TNKS: variants seen among roughly 807,000 people sequenced by gnomAD.
The protein encoded by TNKS is tankyrase.
In TNKS, 72 loss-of-function variants were observed where a neutral mutation model predicts 135.8. The observed-to-expected ratio is 0.53, with a 90% CI of 0.44 to 0.64. TNKS has a LOEUF of 0.64. TNKS is among the 30% of genes least tolerant of loss of function. The pLI, the probability that TNKS is intolerant of heterozygous loss-of-function variation, is 0.00. For synonymous variants in TNKS, 849 were observed against 649.3 expected (o/e 1.31, Z -4.68); for missense variants, 1,769 against 1,674.0 (o/e 1.06, Z -0.99).
intron 3 of TNKS, among the ~76,000 whole-genome samples, chr8:9,652,952 T>C (rs1801199212): frequency 1.3e-5 from 2 of 152,220 alleles, no homozygotes; most frequent in Admixed American, 1.3e-4. Context: ...ATTTAAAATG[T>C]CTAGCCCTAG....
chr8:9,582,305 A>T (rs1798196418), intron 2 of TNKS, among the ~76,000 whole-genome samples: 1 of 151,260 alleles, frequency 6.6e-6, no homozygotes, highest in Non-Finnish European at 1.5e-5. Context: ...AAAAAGTGGG[A>T]AGCCTTGTTT....
Position 9,779,325 on chromosome 8 carries a change from C to G in TNKS, c.*2589C>G, listed in dbSNP as rs1808367258. On this transcript the variant is annotated 3_prime_UTR_variant, in exon 27 of 27. Coordinates refer to ENST00000310430, the MANE Select transcript of TNKS (RefSeq NM_003747.3). ...GCATGGCATTAAATTAGGCTGAAGT[C>G]TTTTATTTTTTGTATATGTACTATA... is the stretch of plus-strand genomic sequence containing the variant. The G allele has an allele frequency of 2.6e-5, 4 of 152,528 alleles. No individual in the cohort carries two copies. The highest frequency in any genetic ancestry group is 2.4e-5 in the African/African-American group (1 of 41,422). The allele number at this position is 152,528 out of a possible 1,614,324, so 9.4% of individuals were successfully genotyped here.
rs1189125186 is a variant in TNKS at position 9,748,149 on chromosome 8, A to T, written c.2769A>T (p.Leu923=). 2.5e-6 allele frequency: 4 copies of T among 1,614,046 alleles called. No homozygotes were observed. In the Admixed American group the frequency reaches 6.7e-5, roughly 27 times the overall value. The stretch of plus-strand genomic sequence containing the variant: ...GGACGCAGCTGTGCGCCCTCCTCCT[A>T]GCGCATGGTGCAGACCCCACCATGA... The part of the protein sequence containing the change: ...KGRTQLCALL[L]AHGADPTMKN... Residue 923 remains leucine, a synonymous_variant, in exon 18 of 27, where the codon CTA becomes CTT. Coordinates refer to ENST00000310430, the MANE Select transcript of TNKS (RefSeq NM_003747.3).
chr8:9,656,294 G>A (rs1045174501), intron 3 of TNKS, among the ~76,000 whole-genome samples: 15 of 152,220 alleles, frequency 9.9e-5, no homozygotes, highest in Non-Finnish European at 2.1e-4. Context: ...AGGGAGAATG[G>A]AACCAAGTGG....
intron 11 of TNKS, among the ~76,000 whole-genome samples, chr8:9,712,191 G>C (rs1436631735): frequency 6.6e-6 from 1 of 152,260 alleles, no homozygotes; most frequent in African/African-American, 2.4e-5. Context: ...AATGAACTTA[G>C]AGCCACGTGT....
At chr8:9,610,215 A>G (rs921906671) in intron 2 of TNKS, among the ~76,000 whole-genome samples, 9 of 152,174 alleles carry the variant, frequency 5.9e-5, no homozygotes, top group African/African-American at 1.9e-4. Flanking sequence ...GAAAAATAAA[A>G]TACATTAGCT....
chr8:9,600,138 G>A (rs1798955865), intron 2 of TNKS, among the ~76,000 whole-genome samples: 2 of 152,146 alleles, frequency 1.3e-5, no homozygotes, highest in Admixed American at 6.5e-5. Flanking sequence ...GAGAGGTAAA[G>A]GAATTGCTAG....
At chr8:9,612,465 C>T (rs1378616566) in intron 2 of TNKS, among the ~76,000 whole-genome samples, 6 of 152,076 alleles carry the variant, frequency 3.9e-5, no homozygotes, top group Admixed American at 3.9e-4. Flanking sequence ...TGCCCAGGGT[C>T]AGGGGTCAGC....
intron 3 of TNKS, among the ~76,000 whole-genome samples, chr8:9,647,686 G>T (rs1203298403): frequency 6.6e-6 from 1 of 152,064 alleles, no homozygotes. Context: ...TGTGTGACTT[G>T]TGCCCCTTGA....
intron 3 of TNKS, among the ~76,000 whole-genome samples, chr8:9,624,170 A>G (rs1446490232): frequency 6.6e-6 from 1 of 152,218 alleles, no homozygotes; most frequent in Admixed American, 6.5e-5. Flanking sequence ...GTGAAGCATG[A>G]TAACTTGTTA....
intron 1 of TNKS, chr8:9,557,731 G>A (rs1401777453): frequency 1.3e-5 from 2 of 151,998 alleles, no homozygotes; most frequent in African/African-American, 2.4e-5. Flanking sequence ...CACTTCTTCA[G>A]TTTGTTCTGT....
intron 3 of TNKS, among the ~76,000 whole-genome samples, chr8:9,669,154 C>T (rs943662983): frequency 1.3e-5 from 2 of 151,196 alleles, no homozygotes; most frequent in African/African-American, 2.4e-5. Context: ...CGCGGTGGCT[C>T]ACGCCTGTAA....
chr8:9,635,988 G>A (rs182330262), intron 3 of TNKS, among the ~76,000 whole-genome samples: 3 of 152,308 alleles, frequency 2.0e-5, no homozygotes. Context: ...GAAAAGTATT[G>A]TACCAGTGTT....
intron 2 of TNKS, among the ~76,000 whole-genome samples, chr8:9,598,765 GTATATATATATATATATATATATATATA>G (rs71201956): frequency 0.01 from 512 of 49,626 alleles, 14 homozygotes; most frequent in Middle Eastern, 0.029. Context: ...ATGTGTGTGT[GTATATATATATATATATATATATATATA>G]TATATATATA....
At chr8:9,638,425 A>T (rs1800597616) in intron 3 of TNKS, among the ~76,000 whole-genome samples, 1 of 152,226 alleles carries the variant, frequency 6.6e-6, no homozygotes, top group African/African-American at 2.4e-5. Context: ...TGGAACTAAA[A>T]ATCTTCTGTT....
At chr8:9,661,351 A>C (rs1451639293) in intron 3 of TNKS, among the ~76,000 whole-genome samples, 4 of 152,228 alleles carry the variant, frequency 2.6e-5, no homozygotes, top group East Asian at 3.9e-4. Context: ...AGGCTACAGT[A>C]ACCAAAACAG....
intron 1 of TNKS, among the ~76,000 whole-genome samples, chr8:9,560,022 A>G (rs577714474): frequency 1.3e-5 from 2 of 152,264 alleles, no homozygotes; most frequent in South Asian, 4.1e-4. Flanking sequence ...ACTAGAATTT[A>G]TATGAGACTT....
intron 3 of TNKS, chr8:9,658,405 C>G (rs1801527289): frequency 3.1e-6 from 4 of 1,305,952 alleles, no homozygotes; most frequent in Non-Finnish European, 4.0e-6. Context: ...GCCCGCTGAA[C>G]TCCATCCTCC....
Position 9,761,574 on chromosome 8 carries a change from A to G in TNKS, c.3212A>G (p.Asn1071Ser), listed in dbSNP as rs745773852. The G allele has an allele frequency of 3.1e-6, 5 of 1,611,270 alleles. No homozygotes were observed. Among genetic ancestry groups the G allele is most frequent in the East Asian group, 2.2e-5 (1 of 44,860 alleles). ...GHEELKEIGINAYGHRHKLIK... is the reference protein window; with the variant it reads ...GHEELKEIGISAYGHRHKLIK... ...GAAGAGTTGAAAGAAATAGGCATCA[A>G]TGCATATGGGCACCGCCACAAATTA... The change falls in exon 21 of 27, where the codon AAT becomes AGT. Residue 1071 changes from asparagine to serine, a missense_variant. This residue lies in a region of TNKS where 722 missense variants were observed against 688.9 expected (regional missense o/e 1.05). Coordinates refer to ENST00000310430, the MANE Select transcript of TNKS (RefSeq NM_003747.3).
Sources: gnomAD v4.1 joint callset for allele counts (sites outside exome capture counted in the v4.1 genomes callset) on GRCh38, gnomAD v4.1.1 for gene constraint, gnomAD v4.1.1 regional missense constraint, MANE v1.5 for transcripts, NCBI Gene and HGNC (gene_info 2026-07-23, HGNC 2026-07-21) for gene names.